GPATCH8: variants seen among roughly 807,000 people sequenced by gnomAD.
GPATCH8 encodes G patch domain-containing protein 8.
In GPATCH8, 18 loss-of-function variants were observed where a neutral mutation model predicts 118.3. The ratio of observed to expected loss-of-function variants is 0.15; its 90% confidence interval spans 0.11 to 0.23. The LOEUF (loss-of-function observed/expected upper bound fraction) is 0.23. Among genes scored for constraint, GPATCH8 ranks in the 10% least tolerant of loss-of-function variants. The probability of loss-of-function intolerance (pLI) is 1.00; values close to 1 mark genes in which losing one functional copy is unlikely to be tolerated. For synonymous variants in GPATCH8, 659 were observed against 684.7 expected, an observed-to-expected ratio of 0.96 and a Z score of 0.59; for missense variants, 1,631 against 1,873.8, an observed-to-expected ratio of 0.87 and a Z score of 2.39.
Position 44,453,500 on chromosome 17 carries a change from G to GGTGTGTGTGT in GPATCH8, c.193+10962_193+10971dup, listed in dbSNP as rs56962134. Among the ~76,000 whole-genome samples the GGTGTGTGTGT allele has an allele frequency of 4.5e-3, 640 of 142,760 alleles. 12 individuals are homozygous for GGTGTGTGTGT. Among genetic ancestry groups the GGTGTGTGTGT allele is most frequent in the Middle Eastern group, 0.021 (6 of 286 alleles). The allele number at this position is 142,760 out of a possible 152,430, so 93.7% of individuals were successfully genotyped here. ...AGTTGTAGGTAGGTAGGTAGGTAGG[G>GGTGTGTGTGT]GTGTGTGTGTGTGTGTGTGTGTGTG... is the stretch of plus-strand genomic sequence containing the variant. On this transcript the variant is annotated intron_variant, in intron 3 of 7. Coordinates refer to ENST00000591680, the MANE Select transcript of GPATCH8 (RefSeq NM_001002909.4).
rs747358112 is a variant in GPATCH8 at position 44,398,892 on chromosome 17, C to T, written c.3185G>A (p.Gly1062Asp). The change falls in exon 8 of 8, where the codon GGT becomes GAT. Residue 1062 changes from glycine to aspartate, a missense_variant. Physicochemically the swap from Gly to Asp is moderately conservative, Grantham distance 94. This residue lies in a region of GPATCH8 where 922 missense variants were observed against 879.7 expected (regional missense o/e 1.05). Transcript: ENST00000591680. ...AATGTTGCTGTTCTGGGAAGGTGGA[C>T]CTGTTGCTTTACTGTCATCTCCTCT... ...DGRGDDSKAT[G>D]PPSQNSNIGT... is the part of the protein sequence containing the mutation. The T allele has an allele frequency of 2.5e-6, 4 of 1,613,990 alleles. No individual in the cohort carries two copies. The East Asian group carries it at 6.7e-5, about 27-fold the overall frequency.
intron 3 of GPATCH8, among the ~76,000 whole-genome samples, chr17:44,452,509 T>C (rs1389941217): frequency 2.0e-5 from 3 of 152,134 alleles, no homozygotes; most frequent in African/African-American, 4.8e-5. Flanking sequence ...TGACTATATA[T>C]TGTCTTCATA....
chr17:44,488,133 C>T (rs996228704), intron 1 of GPATCH8, among the ~76,000 whole-genome samples: 3 of 151,270 alleles, frequency 2.0e-5, no homozygotes, highest in African/African-American at 7.3e-5. Context: ...CCATGTTAGC[C>T]AGGATGGTCT....
intron 6 of GPATCH8, among the ~76,000 whole-genome samples, chr17:44,419,189 C>A (rs1272826941): frequency 6.6e-6 from 1 of 152,196 alleles, no homozygotes; most frequent in Non-Finnish European, 1.5e-5. Context: ...TAACGTAATA[C>A]ATTATTTCTC....
rs1383185716 is a variant in GPATCH8 at position 44,399,232 on chromosome 17, G to C, written c.2845C>G (p.His949Asp). Residue 949 changes from histidine (H) to aspartate (D), a missense_variant, in exon 8 of 8, where the codon CAT becomes GAT. Around this residue, in one of 8 missense-constraint regions of GPATCH8, gnomAD observed 922 missense variants for 879.7 expected, o/e 1.05. Coordinates refer to ENST00000591680, the MANE Select transcript of GPATCH8 (RefSeq NM_001002909.4). ...CGGGATCTTGAGCGCTCTCTGGTAT[G>C]ACTCCGAGATCGGCTTCGGGACTGG... is the stretch of plus-strand genomic sequence containing the variant. Reference protein sequence around the residue: ...CSQSRSRSRSHTRERSRSRGR... With the variant: ...CSQSRSRSRSDTRERSRSRGR... 1 of 1,614,026 alleles carries C rather than the reference G, an allele frequency of 6.2e-7. No individual in the cohort carries two copies. Among genetic ancestry groups the C allele is most frequent in the Admixed American group, 1.7e-5 (1 of 60,016 alleles).
At chr17:44,453,498 G>GTGTCTGTGTGTGTGTGTGTGT (rs1298562128) in intron 3 of GPATCH8, among the ~76,000 whole-genome samples, 1 of 130,092 alleles carries the variant, frequency 7.7e-6, no homozygotes, top group Non-Finnish European at 1.6e-5. Context: ...TAGGTAGGTA[G>GTGTCTGTGTGTGTGTGTGTGT]GGGTGTGTGT....
intron 3 of GPATCH8, chr17:44,436,771 T>C: frequency 3.5e-6 from 2 of 574,940 alleles, no homozygotes; most frequent in South Asian, 4.1e-5. Flanking sequence ...TAATTTCAAA[T>C]TACTATGGCA....
In GPATCH8 at chr17:44,395,555, A is replaced by G. The variant is rs1188188777; in HGVS notation, c.*2013T>C. The G allele has an allele frequency of 2.2e-6, 1 of 454,474 alleles. No homozygotes were observed. The highest frequency in any genetic ancestry group is 1.6e-5 in the South Asian group (1 of 64,474). 28.2% of individuals were successfully genotyped at this position (454,474 alleles called of 1,614,324 possible). ...TTATTTACATGGGCTGAAAGCAAAGAAAAATGAGTCCCTTCACTTACACAG... is the reference window on the plus strand; with the variant it reads ...TTATTTACATGGGCTGAAAGCAAAGGAAAATGAGTCCCTTCACTTACACAG... On this transcript the variant is annotated 3_prime_UTR_variant, in exon 8 of 8. Transcript: ENST00000591680.
At chr17:44,444,803 T>C (rs2050818413) in intron 3 of GPATCH8, among the ~76,000 whole-genome samples, 1 of 152,080 alleles carries the variant, frequency 6.6e-6, no homozygotes, top group Non-Finnish European at 1.5e-5. Context: ...GTAGCACTTT[T>C]GTGCCCTGAG....
At chr17:44,475,573 A>G (rs1967693832) in intron 1 of GPATCH8, among the ~76,000 whole-genome samples, 2 of 151,882 alleles carry the variant, frequency 1.3e-5, no homozygotes, top group African/African-American at 4.8e-5. Flanking sequence ...AGGTGCCTGT[A>G]GTCCCAGCTA....
intron 3 of GPATCH8, among the ~76,000 whole-genome samples, chr17:44,461,691 GT>G (rs980082598): frequency 3.4e-5 from 5 of 148,554 alleles, no homozygotes; most frequent in Non-Finnish European, 7.5e-5. Flanking sequence ...ATTCTAAACT[GT>G]TTTTTTTTCG....
chr17:44,460,575 C>G (rs1335050486), intron 3 of GPATCH8, among the ~76,000 whole-genome samples: 1 of 152,078 alleles, frequency 6.6e-6, no homozygotes, highest in Non-Finnish European at 1.5e-5. Flanking sequence ...AAAAGCCTTG[C>G]ATGGGTCAAA....
intron 2 of GPATCH8, among the ~76,000 whole-genome samples, chr17:44,468,373 CTTTTTTTTTTTTTTTTTT>C (rs869068538): frequency 2.0e-5 from 2 of 100,014 alleles, no homozygotes; most frequent in South Asian, 6.9e-4. Context: ...TTCTTTGTTC[CTTTTTTTTTTTTTTTTTT>C]TTTTTTTTTT....
chr17:44,495,089 C>A (rs4793112), intron 1 of GPATCH8, among the ~76,000 whole-genome samples: 75,591 of 151,972 alleles, frequency 0.5, 20,476 homozygotes, highest in Middle Eastern at 0.62. Context: ...AATCCCAGCA[C>A]ATTGGGAGGC....
At chr17:44,473,309 C>T (rs1967457569) in intron 2 of GPATCH8, 1 of 151,634 alleles carries the variant, frequency 6.6e-6, no homozygotes, top group African/African-American at 2.4e-5. Context: ...TAATTTTTTA[C>T]ATTTTTTGTA....
At chr17:44,426,369 G>A (rs1003236096) in intron 5 of GPATCH8, among the ~76,000 whole-genome samples, 23 of 152,222 alleles carry the variant, frequency 1.5e-4, no homozygotes, top group South Asian at 2.1e-4. Flanking sequence ...TTGGGAGGCC[G>A]AGGCAGGCAG....
In GPATCH8 at chr17:44,436,467, G is replaced by A. The variant is rs1396824364; in HGVS notation, c.261+11C>T. The stretch of plus-strand genomic sequence containing the variant: ...TCTCACAAAACTTATGAGTTAATGA[G>A]ATCAATTTACCTCCATTTCCATGCG... On this transcript the variant is annotated intron_variant, in intron 4 of 7. Transcript: ENST00000591680. 1 of 1,186,468 alleles carries A rather than the reference G, an allele frequency of 8.4e-7. No homozygotes were observed. The highest frequency in any genetic ancestry group is 2.3e-5 in the East Asian group (1 of 43,008). The allele number at this position is 1,186,468 out of a possible 1,614,324, so 73.5% of individuals were successfully genotyped here.
At chr17:44,405,741 T>G (rs2049196864) in intron 7 of GPATCH8, among the ~76,000 whole-genome samples, 180 bp downstream of exon 7, 1 of 152,272 alleles carries the variant, frequency 6.6e-6, no homozygotes, top group African/African-American at 2.4e-5. Flanking sequence ...CCTGACCTCG[T>G]GATCCGCCCG....
At position 44,396,155 on chromosome 17, in the gene GPATCH8, A is replaced by T. The variant is rs940524940; in HGVS notation, c.*1413T>A. On this transcript the variant is annotated 3_prime_UTR_variant, in exon 8 of 8. Transcript: ENST00000591680. ...CAACCCAAAAGGCACATTAAAAAAAAAATTGTCAGAGGGGGCTAAGTACTA... is the reference window on the plus strand; with the variant it reads ...CAACCCAAAAGGCACATTAAAAAAATAATTGTCAGAGGGGGCTAAGTACTA... The T allele has an allele frequency of 4.4e-6, 2 of 454,354 alleles. No homozygotes were observed. Among genetic ancestry groups the T allele is most frequent in the African/African-American group, 2.0e-5 (1 of 49,958 alleles). The allele number at this position is 454,354 out of a possible 1,614,324, so 28.1% of individuals were successfully genotyped here.
Sources: gnomAD v4.1 joint callset for allele counts (sites outside exome capture counted in the v4.1 genomes callset) on GRCh38, gnomAD v4.1.1 for gene constraint, gnomAD v4.1.1 regional missense constraint, MANE v1.5 for transcripts, NCBI Gene and HGNC (gene_info 2026-07-23, HGNC 2026-07-21) for gene names.